Variants in IPO7 observed in about 807,000 individuals in gnomAD.
IPO7 encodes the protein importin 7.
In IPO7, 13 loss-of-function variants were observed where a neutral mutation model predicts 136.4. That is an observed-to-expected ratio of 0.10 (90% CI 0.06 to 0.15). The LOEUF is 0.15. Among genes scored for constraint, IPO7 ranks in the 10% least tolerant of loss-of-function variants. The pLI is 1.00. For missense variants in IPO7, 857 were observed against 1,240.6 expected (o/e 0.69, Z 4.65); for synonymous variants, 403 against 404.4 (o/e 1.00, Z 0.04).
chr11:9,421,804 C>T (rs1358022804), intron 8 of IPO7, among the ~76,000 whole-genome samples: 4 of 151,840 alleles, frequency 2.6e-5, no homozygotes, highest in South Asian at 2.1e-4. Context: ...TGTAGCCGGG[C>T]GTGGTGGCGG....
At chr11:9,387,296 G>A (rs1362013710) in intron 1 of IPO7, among the ~76,000 whole-genome samples, 1 of 152,174 alleles carries the variant, frequency 6.6e-6, no homozygotes, top group African/African-American at 2.4e-5. Flanking sequence ...TGTTATTAAA[G>A]TGTTTATAGT....
chr11:9,440,621 C>T lies in IPO7; in HGVS notation c.2862C>T (p.Asn954=). ...CCACAATCATTGATGATGAAGATAACCCTGTTGATGAGTATCAGATATTTA... is the reference window on the plus strand; with the variant it reads ...CCACAATCATTGATGATGAAGATAATCCTGTTGATGAGTATCAGATATTTA... ...GYSTIIDDED[N]PVDEYQIFKA... is the part of the protein sequence containing the mutation. The change falls in exon 23 of 25, where the codon AAC becomes AAT. Residue 954 remains asparagine (N), a synonymous_variant. Transcript: ENST00000379719. The T allele has an allele frequency of 6.2e-7, 1 of 1,613,484 alleles. No homozygotes were observed. The highest frequency in any genetic ancestry group is 8.5e-7 in the Non-Finnish European group (1 of 1,179,518).
chr11:9,411,483 C>G (rs566841919), intron 4 of IPO7, among the ~76,000 whole-genome samples: 1 of 152,122 alleles, frequency 6.6e-6, no homozygotes, highest in Non-Finnish European at 1.5e-5. Flanking sequence ...GAGATGCTGT[C>G]TTTAGTGGGT....
At chr11:9,431,044 T>A in intron 16 of IPO7, 41 bp downstream of exon 16, 1 of 1,585,122 alleles carries the variant, frequency 6.3e-7, no homozygotes, top group South Asian at 1.1e-5. Context: ...CAAGCCATTT[T>A]ATGCTTTTTA....
chr11:9,435,014 T>C lies in IPO7; in HGVS notation c.2155T>C (p.Tyr719His). The change falls in exon 19 of 25, where the codon TAC becomes CAC. Residue 719 changes from tyrosine (Y) to histidine (H), a missense_variant. Around this residue, in one of 11 missense-constraint regions of IPO7, gnomAD observed 190 missense variants for 249.0 expected, o/e 0.76. Transcript: ENST00000379719. The stretch of plus-strand genomic sequence containing the variant: ...TGACACCAAGTATCTTGAAATGATA[T>C]ACAGTATGTGCAAAAAGGTAGGTCA... Reference protein sequence around the residue: ...LSDTKYLEMIYSMCKKVLTGV... With the variant: ...LSDTKYLEMIHSMCKKVLTGV... The C allele has an allele frequency of 3.8e-6, 6 of 1,597,572 alleles. No homozygotes were observed. Among genetic ancestry groups the C allele is most frequent in the South Asian group, 1.1e-5 (1 of 90,662 alleles).
chr11:9,431,465 AT>A (rs5789607), intron 16 of IPO7, among the ~76,000 whole-genome samples: 74 of 145,712 alleles, frequency 5.1e-4, no homozygotes, highest in African/African-American at 9.1e-4. Flanking sequence ...GTAATAATGG[AT>A]TTTTTTTTTT....
At chr11:9,421,592 C>T (rs1248271265) in intron 8 of IPO7, among the ~76,000 whole-genome samples, 1 of 150,476 alleles carries the variant, frequency 6.6e-6, no homozygotes, top group Non-Finnish European at 1.5e-5. Context: ...CACGCCACTG[C>T]ACTCCAGCCT....
chr11:9,433,897 T>C (rs1206332841), intron 18 of IPO7, 51 bp downstream of exon 18: 1 of 1,545,840 alleles, frequency 6.5e-7, no homozygotes, highest in South Asian at 1.2e-5. Context: ...CTTTGATTTA[T>C]TTGTAGCTTA....
intron 15 of IPO7, 56 bp from the exon 16 acceptor site, chr11:9,430,819 A>G: frequency 1.3e-6 from 2 of 1,539,288 alleles, no homozygotes; most frequent in Non-Finnish European, 1.8e-6. Flanking sequence ...GTCTTAGACC[A>G]AAACATATTT....
At chr11:9,430,571 G>A (rs1000417436) in intron 15 of IPO7, 6 of 240,654 alleles carry the variant, frequency 2.5e-5, no homozygotes, top group African/African-American at 1.3e-4. Context: ...TAATATTAAT[G>A]AAAACTATTC....
intron 15 of IPO7, chr11:9,430,582 A>T (rs957705764): frequency 7.4e-6 from 2 of 270,060 alleles, no homozygotes; most frequent in Admixed American, 5.0e-5. Context: ...AAAACTATTC[A>T]TAATATTAAG....
intron 18 of IPO7, among the ~76,000 whole-genome samples, chr11:9,434,692 C>T: frequency 6.6e-6 from 1 of 152,088 alleles, no homozygotes; most frequent in East Asian, 1.9e-4. Flanking sequence ...ACCTGGGTGG[C>T]TGAGGTGGGA....
chr11:9,438,158 G>A lies in IPO7; in HGVS notation c.2568G>A (p.Gln856=), dbSNP rs1855409659. 6.3e-7 allele frequency: 1 copy of A among 1,588,342 alleles called. No homozygotes were observed. Among genetic ancestry groups the A allele is most frequent in the South Asian group, 1.1e-5 (1 of 90,592 alleles). Residue 856 remains glutamine (Q), a synonymous_variant, in exon 22 of 25, where the codon CAG becomes CAA. Transcript: ENST00000379719. ...DMEQIPQVLN[Q]VSGQILPAFI... is the part of the protein sequence containing the mutation. Reference sequence around the variant, plus strand: ...AACAGATACCCCAAGTTTTAAATCAGGTTTCTGGACAGATTTTGCCGGCTT... The same window carrying A: ...AACAGATACCCCAAGTTTTAAATCAAGTTTCTGGACAGATTTTGCCGGCTT...
chr11:9,425,400 A>T, intron 12 of IPO7, 138 bp downstream of exon 12: 1 of 637,298 alleles, frequency 1.6e-6, no homozygotes, highest in South Asian at 1.8e-5. Context: ...TGAGCCCAGG[A>T]GTTTGAGAAC....
chr11:9,409,946 C>T lies in IPO7; in HGVS notation c.339C>T (p.Cys113=). ...PELIRVQLTT[C]IHHIIKHDYP... is the part of the protein sequence containing the mutation. The stretch of plus-strand genomic sequence containing the variant: ...CTTCCAGGGTACAGCTTACTACATG[C>T]ATTCATCACATCATCAAACATGATT... The change falls in exon 4 of 25, where the codon TGC becomes TGT. Residue 113 remains cysteine, a synonymous_variant. Transcript: ENST00000379719. 6.4e-7 allele frequency: 1 copy of T among 1,566,788 alleles called. No homozygotes were observed. The highest frequency in any genetic ancestry group is 1.2e-5 in the South Asian group (1 of 82,904).
At chr11:9,433,324 ATGT>A (rs1222167600) in intron 16 of IPO7, 7 of 471,628 alleles carry the variant, frequency 1.5e-5, no homozygotes, top group Admixed American at 3.7e-5. Flanking sequence ...TTTTTCGAGA[ATGT>A]TGTTTTTTCC....
rs373443460 is a variant in IPO7, at chr11:9,390,079, C to A, written c.84+5232C>A. ...CCTAATTTTATATTTTTAGTAGAGA[C>A]GGGGTTTCGCCATGTTGGCCAGGCT... On this transcript the variant is annotated intron_variant, in intron 1 of 24. Transcript: ENST00000379719. Among the ~76,000 whole-genome samples the A allele has an allele frequency of 1.2e-4, 19 of 152,074 alleles. No individual in the cohort carries two copies. In the East Asian group the frequency reaches 3.5e-3, roughly 28 times the overall value.
intron 24 of IPO7, among the ~76,000 whole-genome samples, chr11:9,443,519 A>G (rs957623460): frequency 7.0e-6 from 1 of 143,840 alleles, no homozygotes; most frequent in Admixed American, 7.3e-5. Flanking sequence ...TGAACCCGGG[A>G]GGTGGAGGTT....
intron 4 of IPO7, among the ~76,000 whole-genome samples, chr11:9,412,407 T>A (rs1270144089): frequency 6.6e-6 from 1 of 152,210 alleles, no homozygotes; most frequent in African/African-American, 2.4e-5. Flanking sequence ...AAAACCAATT[T>A]AAAGCTGTTT....
Sources: gnomAD v4.1 joint callset for allele counts (sites outside exome capture counted in the v4.1 genomes callset) on GRCh38, gnomAD v4.1.1 for gene constraint, gnomAD v4.1.1 regional missense constraint, MANE v1.5 for transcripts, NCBI Gene and HGNC (gene_info 2026-07-23, HGNC 2026-07-21) for gene names.